Variants in ACER3 observed in about 807,000 individuals in gnomAD.
The protein encoded by ACER3 is alkaline ceramidase 3, also known as alkCDase 3.
Under a neutral mutation model 48.9 loss-of-function variants are expected in ACER3, and 16 were observed. The observed-to-expected ratio is 0.33, with a 90% CI of 0.22 to 0.50. The LOEUF is 0.50. Ranked by LOEUF, ACER3 falls within the 20% of genes least tolerant of loss-of-function variation. The pLI is 0.98. For missense variants in ACER3, 227 were observed against 326.0 expected, an observed-to-expected ratio of 0.70 and a Z score of 2.34; for synonymous variants, 109 against 107.8, an observed-to-expected ratio of 1.01 and a Z score of -0.07.
Position 77,015,048 on chromosome 11 carries a change from C to T in ACER3, c.530C>T (p.Thr177Ile). The T allele has an allele frequency of 1.9e-6, 3 of 1,602,344 alleles. No individual in the cohort carries two copies. Among genetic ancestry groups the T allele is most frequent in the Non-Finnish European group, 1.7e-6 (2 of 1,169,556 alleles). ...VYPWLRGLGY[T>I]SLGIFLLGFL... ...CCATGGCTTAGAGGACTGGGTTATA[C>T]ATCATTGGGTATATTTTTATTGGGA... The change falls in exon 8 of 11, where the codon ACA becomes ATA. Residue 177 changes from threonine (T) to isoleucine (I), a missense_variant. Physicochemically the swap from Thr to Ile is moderately conservative, Grantham distance 89 (BLOSUM62 -1). Transcript: ENST00000532485.
chr11:76,912,907 A>G (rs1486030167), intron 1 of ACER3, among the ~76,000 whole-genome samples: 1 of 151,968 alleles, frequency 6.6e-6, no homozygotes, highest in Non-Finnish European at 1.5e-5. Flanking sequence ...AAAGAATTCG[A>G]CTGAGGGCCA....
intron 1 of ACER3, among the ~76,000 whole-genome samples, chr11:76,903,155 C>T (rs1205111049): frequency 6.6e-6 from 1 of 151,948 alleles, no homozygotes; most frequent in African/African-American, 2.4e-5. Flanking sequence ...TCACAAATCT[C>T]CAAAAAATTT....
Position 76,976,289 on chromosome 11 carries a change from C to A in ACER3, c.268C>A (p.Leu90Ile). ...FHMTLKYEMQ[L>I]LDELPMIYSC... ...TGTTATCTATCTTTGTTTCTTACAG[C>A]TATTGGATGAACTCCCAATGATATA... Residue 90 changes from leucine to isoleucine, a missense_variant and splice_region_variant, in exon 4 of 11, where the codon CTA (leucine) becomes ATA (isoleucine). By Grantham distance (5) the Leu-to-Ile change is conservative (BLOSUM62 2). Around this residue, in one of 3 missense-constraint regions of ACER3, gnomAD observed 195 missense variants for 290.8 expected, o/e 0.67. Transcript: ENST00000532485. 1 of 1,603,642 alleles carries A rather than the reference C, an allele frequency of 6.2e-7. No individual in the cohort carries two copies.
intron 2 of ACER3, among the ~76,000 whole-genome samples, chr11:76,957,972 T>C (rs993221679): frequency 6.6e-6 from 1 of 151,612 alleles, no homozygotes; most frequent in African/African-American, 2.4e-5. Flanking sequence ...TTATCTTATG[T>C]ATTAATAGAG....
chr11:77,005,987 ATATATTTT>A (rs1246653043), intron 7 of ACER3, among the ~76,000 whole-genome samples: 8 of 91,176 alleles, frequency 8.8e-5, no homozygotes, highest in Admixed American at 2.4e-4. Context: ...ATATATATAT[ATATATTTT>A]TTTTTTTTTT....
intron 4 of ACER3, among the ~76,000 whole-genome samples, chr11:76,984,874 T>G (rs577603854): frequency 9.9e-5 from 15 of 152,134 alleles, no homozygotes; most frequent in Non-Finnish European, 1.9e-4. Context: ...TATTACATCC[T>G]TATTTATTGT....
intron 2 of ACER3, among the ~76,000 whole-genome samples, chr11:76,930,636 A>T (rs796424395): frequency 6.6e-6 from 1 of 151,852 alleles, no homozygotes; most frequent in Non-Finnish European, 1.5e-5. Flanking sequence ...CACTACTTAA[A>T]TGTGTCCCAG....
intron 1 of ACER3, among the ~76,000 whole-genome samples, chr11:76,862,633 T>C (rs1198024159): frequency 6.6e-6 from 1 of 152,162 alleles, no homozygotes. Flanking sequence ...TTGGATGGGC[T>C]ATCATATAGA....
At chr11:76,966,689 A>T (rs1231550813) in intron 3 of ACER3, among the ~76,000 whole-genome samples, 1 of 149,070 alleles carries the variant, frequency 6.7e-6, no homozygotes, top group Non-Finnish European at 1.5e-5. Context: ...AAACTGAACA[A>T]CCTGCTCCTG....
At chr11:76,921,595 T>G (rs1946686975) in intron 1 of ACER3, among the ~76,000 whole-genome samples, 1 of 152,200 alleles carries the variant, frequency 6.6e-6, no homozygotes, top group Non-Finnish European at 1.5e-5. Flanking sequence ...CCTTGATATC[T>G]AGTAGTGTAA....
At chr11:76,968,595 A>T (rs1948205165) in intron 3 of ACER3, among the ~76,000 whole-genome samples, 1 of 152,230 alleles carries the variant, frequency 6.6e-6, no homozygotes, top group Non-Finnish European at 1.5e-5. Flanking sequence ...CAAAACAGAG[A>T]TATAGACCAA....
intron 1 of ACER3, among the ~76,000 whole-genome samples, chr11:76,905,927 A>G (rs1044692358): frequency 5.3e-5 from 8 of 152,244 alleles, no homozygotes; most frequent in African/African-American, 1.9e-4. Flanking sequence ...CACCAAATTA[A>G]CCATTACATC....
At chr11:76,923,899 G>A (rs565146475) in intron 1 of ACER3, among the ~76,000 whole-genome samples, 3 of 152,228 alleles carry the variant, frequency 2.0e-5, no homozygotes, top group Admixed American at 6.5e-5. Flanking sequence ...TCCTGGCTTC[G>A]ACTAGTTTGC....
intron 2 of ACER3, among the ~76,000 whole-genome samples, chr11:76,942,657 T>G (rs551526501): frequency 1.3e-5 from 2 of 152,156 alleles, no homozygotes; most frequent in African/African-American, 4.8e-5. Context: ...TTTTTGTTTT[T>G]GTGTCCTTGT....
intron 1 of ACER3, among the ~76,000 whole-genome samples, chr11:76,883,653 C>G (rs142449079): frequency 1.3e-5 from 2 of 152,114 alleles, no homozygotes; most frequent in East Asian, 1.9e-4. Flanking sequence ...CCATGTTGGC[C>G]AGGCTGATCT....
intron 2 of ACER3, among the ~76,000 whole-genome samples, chr11:76,934,174 G>A (rs1947104961): frequency 2.6e-5 from 4 of 151,998 alleles, no homozygotes; most frequent in African/African-American, 9.7e-5. Context: ...TGGGATGGCG[G>A]CCGGGCAGAG....
chr11:76,920,573 T>C (rs753535947), intron 1 of ACER3, among the ~76,000 whole-genome samples: 3 of 152,134 alleles, frequency 2.0e-5, no homozygotes, highest in Non-Finnish European at 4.4e-5. Flanking sequence ...TCCTTACTCT[T>C]ATAAGTTAAT....
At chr11:76,937,534 G>C (rs1307608181) in intron 2 of ACER3, among the ~76,000 whole-genome samples, 2 of 152,224 alleles carry the variant, frequency 1.3e-5, no homozygotes, top group African/African-American at 4.8e-5. Context: ...AGGATGAGAA[G>C]TGTCACTGAA....
chr11:77,016,069 T>C (rs1267322158), intron 8 of ACER3, among the ~76,000 whole-genome samples: 1 of 146,554 alleles, frequency 6.8e-6, no homozygotes, highest in Non-Finnish European at 1.5e-5. Context: ...ATCGTGCTAC[T>C]GTACTCCAGC....
Sources: allele counts gnomAD v4.1 joint callset (sites outside exome capture counted in the v4.1 genomes callset), GRCh38; gene constraint gnomAD v4.1.1; regional missense constraint gnomAD v4.1.1; transcripts MANE v1.5; gene names NCBI Gene and HGNC (gene_info 2026-07-23, HGNC 2026-07-21).